NTSR1: variants seen among roughly 807,000 people sequenced by gnomAD.
The protein encoded by NTSR1 is neurotensin receptor type 1.
Under a neutral mutation model 31.2 loss-of-function variants are expected in NTSR1, and 29 were observed. That is an observed-to-expected ratio of 0.93 (90% CI 0.69 to 1.27). The LOEUF (loss-of-function observed/expected upper bound fraction) is 1.27, where lower values mean the gene tolerates loss of function less well. Among genes scored for constraint, NTSR1 ranks in the 50% most tolerant of loss-of-function variants. NTSR1 has a pLI of 0.00. For missense variants in NTSR1, 697 were observed against 595.4 expected (o/e 1.17, Z -1.78); for synonymous variants, 282 against 269.9 (o/e 1.04, Z -0.44).
chr20:62,759,693 T>G (rs575061050), intron 3 of NTSR1, among the ~76,000 whole-genome samples: 5 of 149,628 alleles, frequency 3.3e-5, no homozygotes, highest in East Asian at 2.0e-4. Context: ...GAGAATGGTG[T>G]GAACCCGGGA....
intron 1 of NTSR1, among the ~76,000 whole-genome samples, chr20:62,723,882 G>T (rs145477732): frequency 3.9e-5 from 6 of 152,332 alleles, no homozygotes; most frequent in African/African-American, 1.4e-4. Flanking sequence ...AGGTGAACAC[G>T]CTGACCCCCT....
At position 62,709,175 on chromosome 20, in the gene NTSR1, C is replaced by T; in HGVS notation, c.-33C>T. 6.5e-6 allele frequency: 9 copies of T among 1,377,152 alleles called. No homozygotes were observed. The highest frequency in any genetic ancestry group is 8.4e-6 in the Non-Finnish European group (9 of 1,068,500). 85.3% of individuals were successfully genotyped at this position (1,377,152 alleles called of 1,614,324 possible). Reference sequence around the variant, plus strand: ...CTGCCCGGACTTCCAGCCCCGGAGGCGCCGGACAGAGCCGCGGACTCCAGC... The same window carrying T: ...CTGCCCGGACTTCCAGCCCCGGAGGTGCCGGACAGAGCCGCGGACTCCAGC... On this transcript the variant is annotated 5_prime_UTR_variant, in exon 1 of 4. Coordinates refer to ENST00000370501, the MANE Select transcript of NTSR1 (RefSeq NM_002531.3).
At chr20:62,736,930 C>A (rs1398341526) in intron 1 of NTSR1, among the ~76,000 whole-genome samples, 1 of 152,150 alleles carries the variant, frequency 6.6e-6, no homozygotes, top group Non-Finnish European at 1.5e-5. Context: ...AAGCGTCTGG[C>A]GTTTGCCCTG....
intron 2 of NTSR1, among the ~76,000 whole-genome samples, chr20:62,757,523 C>T (rs1465388687): frequency 1.3e-5 from 2 of 152,200 alleles, no homozygotes; most frequent in Non-Finnish European, 2.9e-5. Flanking sequence ...TTTTGGCTGT[C>T]CGGGATCCTT....
intron 1 of NTSR1, among the ~76,000 whole-genome samples, chr20:62,731,428 T>C (rs36044606): frequency 0.34 from 51,127 of 152,018 alleles, 8,847 homozygotes; most frequent in Middle Eastern, 0.46. Flanking sequence ...TTCATTTTTT[T>C]TGTGGATTAT....
chr20:62,716,691 G>T lies in NTSR1; in HGVS notation c.714+6770G>T, dbSNP rs568327614. On this transcript the variant is annotated intron_variant, in intron 1 of 3. Coordinates refer to ENST00000370501, the MANE Select transcript of NTSR1 (RefSeq NM_002531.3). ...TTCGGGTGGCCAGGTCCTCCCTCCT[G>T]TGGGCCTGTGTGCACTCAAGATCGT... 3.2e-4 allele frequency among the ~76,000 whole-genome samples: 48 copies of T among 152,288 alleles called. 1 individual carries two copies. The highest frequency in any genetic ancestry group is 3.1e-3 in the Admixed American group (47 of 15,306).
chr20:62,723,329 G>T (rs773546829), intron 1 of NTSR1, among the ~76,000 whole-genome samples: 10 of 152,168 alleles, frequency 6.6e-5, no homozygotes, highest in Non-Finnish European at 1.2e-4. Context: ...CTTCCCAGTT[G>T]ATTGGCAGAA....
intron 1 of NTSR1, among the ~76,000 whole-genome samples, chr20:62,729,986 G>A (rs1312590937): frequency 1.3e-5 from 2 of 152,100 alleles, no homozygotes; most frequent in African/African-American, 4.8e-5. Context: ...TGAGCCCACA[G>A]GACAGCGGCT....
chr20:62,728,112 G>A (rs1423976093), intron 1 of NTSR1, among the ~76,000 whole-genome samples: 2 of 152,244 alleles, frequency 1.3e-5, no homozygotes, highest in Non-Finnish European at 1.5e-5. Flanking sequence ...GAGCCTTGTG[G>A]ATGAGGGGTG....
chr20:62,747,816 A>T (rs1251836712), intron 1 of NTSR1, among the ~76,000 whole-genome samples: 1 of 152,268 alleles, frequency 6.6e-6, no homozygotes, highest in East Asian at 1.9e-4. Flanking sequence ...ATAAAGTTGC[A>T]GGACACAAAA....
intron 1 of NTSR1, among the ~76,000 whole-genome samples, chr20:62,716,823 G>A (rs570754920): frequency 6.6e-6 from 1 of 152,240 alleles, no homozygotes; most frequent in African/African-American, 2.4e-5. Context: ...CTCTGCAAGG[G>A]GGGCACGGAG....
chr20:62,712,790 C>T (rs760104927), intron 1 of NTSR1, among the ~76,000 whole-genome samples: 3 of 152,238 alleles, frequency 2.0e-5, no homozygotes, highest in Non-Finnish European at 2.9e-5. Context: ...CTTGGATGGT[C>T]CCCCATGGCC....
At chr20:62,737,120 A>G (rs898000646) in intron 1 of NTSR1, among the ~76,000 whole-genome samples, 44 of 152,172 alleles carry the variant, frequency 2.9e-4, no homozygotes, top group African/African-American at 1.0e-3. Flanking sequence ...GGACTCACAC[A>G]CTTGGCCTGG....
chr20:62,760,274 C>A lies in NTSR1; in HGVS notation c.*7C>A. 1 of 1,595,442 alleles carries A rather than the reference C, an allele frequency of 6.3e-7. No individual in the cohort carries two copies. The highest frequency in any genetic ancestry group is 8.6e-7 in the Non-Finnish European group (1 of 1,168,782). On this transcript the variant is annotated 3_prime_UTR_variant, in exon 4 of 4. Coordinates refer to ENST00000370501, the MANE Select transcript of NTSR1 (RefSeq NM_002531.3). ...CCGCGAGACGCTGTACTAGGCTGTG[C>A]GCCCCGGAACGTGTCCAGGAGGAGC...
At chr20:62,749,025 A>C (rs1311609749) in intron 1 of NTSR1, among the ~76,000 whole-genome samples, 1 of 152,176 alleles carries the variant, frequency 6.6e-6, no homozygotes, top group African/African-American at 2.4e-5. Flanking sequence ...TAAATTACCC[A>C]GTTTCAGGTC....
intron 1 of NTSR1, among the ~76,000 whole-genome samples, chr20:62,723,879 C>G (rs1308503015): frequency 6.6e-6 from 1 of 152,200 alleles, no homozygotes; most frequent in Non-Finnish European, 1.5e-5. Flanking sequence ...TTCAGGTGAA[C>G]ACGCTGACCC....
At chr20:62,738,506 C>T (rs542377933) in intron 1 of NTSR1, among the ~76,000 whole-genome samples, 6 of 152,336 alleles carry the variant, frequency 3.9e-5, no homozygotes, top group Admixed American at 2.6e-4. Context: ...TGACCACCAG[C>T]GAAGTATCAT....
chr20:62,726,133 G>A (rs114409270), intron 1 of NTSR1, among the ~76,000 whole-genome samples: 6,274 of 152,288 alleles, frequency 0.041, 143 homozygotes, highest in Non-Finnish European at 0.051. Context: ...CAGCCCGAGG[G>A]GTGAGCAGCC....
intron 1 of NTSR1, among the ~76,000 whole-genome samples, chr20:62,720,149 A>G (rs1212858896): frequency 6.6e-6 from 1 of 152,110 alleles, no homozygotes; most frequent in Non-Finnish European, 1.5e-5. Flanking sequence ...AAAATACAAA[A>G]CTTAGCCAGG....
Sources: gnomAD v4.1 joint callset for allele counts (sites outside exome capture counted in the v4.1 genomes callset) on GRCh38, gnomAD v4.1.1 for gene constraint, MANE v1.5 for transcripts, NCBI Gene and HGNC (gene_info 2026-07-23, HGNC 2026-07-21) for gene names.